Variants in CNTN4 observed in about 807,000 individuals in gnomAD.
CNTN4 encodes the protein contactin 4, also known as contactin-4.
Under a neutral mutation model 122.5 loss-of-function variants are expected in CNTN4, and 77 were observed. The ratio of observed to expected loss-of-function variants is 0.63; its 90% CI spans 0.52 to 0.76. The LOEUF is 0.76. Among genes scored for constraint, CNTN4 ranks in the 30% least tolerant of loss-of-function variants. The probability of loss-of-function intolerance (pLI) is 0.00; values close to 1 mark genes in which losing one functional copy is unlikely to be tolerated. For missense variants in CNTN4, 1,256 were observed against 1,259.1 expected (o/e 1.00, Z 0.04); for synonymous variants, 512 against 447.0 (o/e 1.15, Z -1.83).
At chr3:2,100,471 A>T (rs1221093605) in intron 1 of CNTN4, 87 bp from the exon 2 acceptor site, 1 of 152,160 alleles carries the variant, frequency 6.6e-6, no homozygotes, top group Non-Finnish European at 1.5e-5. Context: ...AAGACTGTAT[A>T]GGTTGCCTAT....
At chr3:2,886,130 A>G (rs1247857834) in intron 9 of CNTN4, among the ~76,000 whole-genome samples, 4 of 152,202 alleles carry the variant, frequency 2.6e-5, no homozygotes, top group Non-Finnish European at 5.9e-5. Context: ...GGAATGTGAA[A>G]GAATTTGCAG....
At chr3:2,500,598 C>A (rs938377418) in intron 3 of CNTN4, among the ~76,000 whole-genome samples, 6 of 152,020 alleles carry the variant, frequency 3.9e-5, no homozygotes, top group African/African-American at 1.4e-4. Flanking sequence ...TCTTGGGTAT[C>A]CACTGGTACA....
At chr3:2,321,804 CTGTTA>C (rs1314662312) in intron 2 of CNTN4, among the ~76,000 whole-genome samples, 2 of 151,838 alleles carry the variant, frequency 1.3e-5, no homozygotes, top group African/African-American at 4.8e-5. Context: ...TTGGGTATTC[CTGTTA>C]TAAGAGAGAA....
At chr3:2,833,169 A>C (rs1291297217) in intron 7 of CNTN4, among the ~76,000 whole-genome samples, 3 of 152,214 alleles carry the variant, frequency 2.0e-5, no homozygotes, top group African/African-American at 7.2e-5. Flanking sequence ...CTTTTGGTCA[A>C]GTACAAGAAA....
chr3:2,244,926 TA>T (rs1347538493), intron 2 of CNTN4, among the ~76,000 whole-genome samples: 3 of 152,032 alleles, frequency 2.0e-5, no homozygotes, highest in African/African-American at 7.2e-5. Context: ...CATATAAACT[TA>T]AAAAATTCAT....
chr3:2,120,351 T>TTATATATATATATATATATAAA (rs1559260478), intron 2 of CNTN4, among the ~76,000 whole-genome samples: 18 of 45,966 alleles, frequency 3.9e-4, no homozygotes, highest in African/African-American at 1.2e-3. Flanking sequence ...GGCATTTAGG[T>TTATATATATATATATATATAAA]TATATATATA....
intron 2 of CNTN4, among the ~76,000 whole-genome samples, chr3:2,191,818 G>A (rs763208961): frequency 6.6e-6 from 1 of 152,032 alleles, no homozygotes; most frequent in Non-Finnish European, 1.5e-5. Context: ...CCATGTTGGT[G>A]TGCTGCACCC....
At chr3:2,537,135 T>G (rs9816116) in intron 3 of CNTN4, among the ~76,000 whole-genome samples, 12,570 of 152,126 alleles carry the variant, frequency 0.083, 1,410 homozygotes, top group East Asian at 0.53. Context: ...TTTATGCACA[T>G]GCGTTCTATA....
chr3:2,121,372 C>T (rs1467083137), intron 2 of CNTN4, among the ~76,000 whole-genome samples: 1 of 152,034 alleles, frequency 6.6e-6, no homozygotes, highest in Non-Finnish European at 1.5e-5. Context: ...GTGGCACGTG[C>T]CTGTAAACCC....
At chr3:2,588,356 G>A (rs917806113) in intron 4 of CNTN4, among the ~76,000 whole-genome samples, 3 of 152,006 alleles carry the variant, frequency 2.0e-5, no homozygotes, top group Admixed American at 6.6e-5. Context: ...AAGTGAGTTA[G>A]GTTTTGTTTG....
chr3:3,038,342 G>A (rs1053353236), intron 18 of CNTN4, among the ~76,000 whole-genome samples: 1 of 152,110 alleles, frequency 6.6e-6, no homozygotes, highest in African/African-American at 2.4e-5. Flanking sequence ...TCAGTGAGCC[G>A]GGGGTCAACT....
chr3:2,585,050 A>G (rs150632533), intron 4 of CNTN4, among the ~76,000 whole-genome samples: 1,802 of 152,306 alleles, frequency 0.012, 24 homozygotes, highest in African/African-American at 0.041. Context: ...GGAAAATACT[A>G]CATCACTCAC....
intron 3 of CNTN4, among the ~76,000 whole-genome samples, chr3:2,431,044 C>T (rs919076324): frequency 2.0e-5 from 3 of 152,110 alleles, no homozygotes; most frequent in African/African-American, 7.2e-5. Context: ...TTCACCTAGC[C>T]TTTTTGTGGT....
intron 6 of CNTN4, among the ~76,000 whole-genome samples, chr3:2,783,382 T>G (rs1484770238): frequency 1.3e-5 from 2 of 152,206 alleles, no homozygotes; most frequent in East Asian, 3.8e-4. Context: ...GTCTGAATGC[T>G]ATTATTAGGA....
chr3:2,330,409 C>T (rs887652652), intron 2 of CNTN4, among the ~76,000 whole-genome samples: 4 of 152,132 alleles, frequency 2.6e-5, no homozygotes, highest in Admixed American at 6.5e-5. Flanking sequence ...CCTTCAGCCC[C>T]TCTTCCCTCC....
At chr3:2,134,523 T>C (rs1440829889) in intron 2 of CNTN4, among the ~76,000 whole-genome samples, 1 of 152,188 alleles carries the variant, frequency 6.6e-6, no homozygotes, top group Non-Finnish European at 1.5e-5. Flanking sequence ...TTTCTCGGGT[T>C]TCTAAGAAAG....
intron 3 of CNTN4, among the ~76,000 whole-genome samples, chr3:2,352,390 G>T (rs940735080): frequency 6.6e-6 from 1 of 152,174 alleles, no homozygotes; most frequent in Non-Finnish European, 1.5e-5. Flanking sequence ...GGGGAGGTGT[G>T]GAGGGAAAGG....
chr3:2,578,010 T>C (rs536879106), intron 4 of CNTN4, among the ~76,000 whole-genome samples: 4 of 152,250 alleles, frequency 2.6e-5, no homozygotes, highest in African/African-American at 9.6e-5. Context: ...TCTGGGGGCA[T>C]GTAGTGGAGA....
chr3:2,121,889 A>C (rs1418364203), intron 2 of CNTN4, among the ~76,000 whole-genome samples: 1 of 151,850 alleles, frequency 6.6e-6, no homozygotes, highest in African/African-American at 2.4e-5. Flanking sequence ...TTTTAAAATT[A>C]TTTTTCTTTA....
Sources: allele counts gnomAD v4.1 joint callset (sites outside exome capture counted in the v4.1 genomes callset), GRCh38; gene constraint gnomAD v4.1.1; transcripts MANE v1.5; gene names NCBI Gene and HGNC (gene_info 2026-07-23, HGNC 2026-07-21).